Variants in TWIST2 observed in about 807,000 individuals in gnomAD.
TWIST2 encodes twist-related protein 2.
A neutral mutation model predicts 11.6 loss-of-function variants in TWIST2; 1 was observed. That is an observed-to-expected ratio of 0.09 (90% confidence interval 0.03 to 0.41). The LOEUF is 0.41. TWIST2 is among the 10% of genes least tolerant of loss of function. TWIST2 has a pLI of 0.98. For missense variants in TWIST2, 168 were observed against 226.4 expected (o/e 0.74, Z 1.66); for synonymous variants, 87 against 96.6 (o/e 0.90, Z 0.58).
chr2:238,856,516 A>G (rs1029889508), intron 1 of TWIST2, among the ~76,000 whole-genome samples: 1 of 152,144 alleles, frequency 6.6e-6, no homozygotes, highest in Non-Finnish European at 1.5e-5. Context: ...ATCATTTATA[A>G]TTTATAACAT....
chr2:238,870,139 ACCC>A (rs1491578741), intron 1 of TWIST2, among the ~76,000 whole-genome samples: 1 of 138,284 alleles, frequency 7.2e-6, no homozygotes, highest in African/African-American at 2.9e-5. Flanking sequence ...CACACACCAC[ACCC>A]CATACACACC....
At chr2:238,889,273 A>G (rs1294916952) in intron 1 of TWIST2, among the ~76,000 whole-genome samples, 1 of 152,244 alleles carries the variant, frequency 6.6e-6, no homozygotes, top group Non-Finnish European at 1.5e-5. Context: ...TCAGTAAATC[A>G]TGACTCGGGC....
rs185361226 is a variant in TWIST2, at chr2:238,871,871, C to T, written c.*35+23138C>T. Among the ~76,000 whole-genome samples the T allele has an allele frequency of 2.6e-3, 401 of 152,182 alleles. 1 individual carries two copies. Among genetic ancestry groups the T allele is most frequent in the Non-Finnish European group, 4.9e-3 (334 of 68,010 alleles). On this transcript the variant is annotated intron_variant, in intron 1 of 1. Coordinates refer to ENST00000612363, the MANE Select transcript of TWIST2 (RefSeq NM_001271893.4). The stretch of plus-strand genomic sequence containing the variant: ...GGATTCATAGAGACGGAAGGCAGAA[C>T]GATGGCTGCCGGGGGCCGAGGGGAG...
At chr2:238,876,211 T>G (rs1270851508) in intron 1 of TWIST2, among the ~76,000 whole-genome samples, 1 of 152,122 alleles carries the variant, frequency 6.6e-6, no homozygotes, top group Non-Finnish European at 1.5e-5. Flanking sequence ...TGAAATCAAG[T>G]CAGGCACCCA....
chr2:238,882,823 T>G (rs1692961683), intron 1 of TWIST2, among the ~76,000 whole-genome samples: 1 of 152,174 alleles, frequency 6.6e-6, no homozygotes, highest in African/African-American at 2.4e-5. Context: ...GATCAAAGCT[T>G]CTTTCAACAA....
In TWIST2 at chr2:238,866,721, G is replaced by A. The variant is rs1269749180; in HGVS notation, c.*35+17988G>A. On this transcript the variant is annotated intron_variant, in intron 1 of 1. Transcript: ENST00000612363. The surrounding 1 kb of genome is among the most constrained non-coding windows in gnomAD (Gnocchi z 4.9). The stretch of plus-strand genomic sequence containing the variant: ...GCCTTCACGCTGCTCTCCCTTGACT[G>A]GAATCTCCCTTGTGCCCGACAGGAC... Among the ~76,000 whole-genome samples, 1 of 152,096 alleles carries A rather than the reference G, an allele frequency of 6.6e-6. No individual in the cohort carries two copies. The highest frequency in any genetic ancestry group is 2.4e-5 in the African/African-American group (1 of 41,422).
chr2:238,869,450 A>G (rs1692606438), intron 1 of TWIST2, among the ~76,000 whole-genome samples: 2 of 152,266 alleles, frequency 1.3e-5, no homozygotes, highest in East Asian at 1.9e-4. Flanking sequence ...CAAATTATCC[A>G]TCTGATAGGA....
At chr2:238,873,781 C>G (rs527784457) in intron 1 of TWIST2, among the ~76,000 whole-genome samples, 15 of 152,234 alleles carry the variant, frequency 9.9e-5, no homozygotes, top group Admixed American at 7.8e-4. Flanking sequence ...AGGGTACGTT[C>G]CGGAACATCT....
chr2:238,890,214 G>A (rs906225022), intron 1 of TWIST2, among the ~76,000 whole-genome samples: 1 of 152,234 alleles, frequency 6.6e-6, no homozygotes, highest in Admixed American at 6.5e-5. Flanking sequence ...CCAGGAGCCT[G>A]CTGGGCTGGG....
chr2:238,886,598 A>G lies in TWIST2; in HGVS notation c.*36-23244A>G, dbSNP rs372160852. On this transcript the variant is annotated intron_variant, in intron 1 of 1. Coordinates refer to ENST00000612363, the MANE Select transcript of TWIST2 (RefSeq NM_001271893.4). Reference sequence around the variant, plus strand: ...TTGTCTGGAGCCCCGGGGGCATGGGAGGTTTGAGGCTCCAGTGCTTATCTC... The same window carrying G: ...TTGTCTGGAGCCCCGGGGGCATGGGGGGTTTGAGGCTCCAGTGCTTATCTC... Among the ~76,000 whole-genome samples the G allele has an allele frequency of 3.3e-5, 5 of 151,538 alleles. No individual in the cohort carries two copies. In the East Asian group the frequency reaches 9.8e-4, roughly 30 times the overall value.
intron 1 of TWIST2, among the ~76,000 whole-genome samples, chr2:238,855,498 T>C (rs137941311): frequency 0.022 from 3,289 of 152,338 alleles, 138 homozygotes; most frequent in African/African-American, 0.074. Flanking sequence ...TTCATGATAA[T>C]CTGCATGCGT....
chr2:238,888,405 C>T (rs761507022), intron 1 of TWIST2, among the ~76,000 whole-genome samples: 27 of 152,164 alleles, frequency 1.8e-4, no homozygotes, highest in Admixed American at 2.6e-4. Context: ...AGAACATCTG[C>T]ATCACATCTA....
chr2:238,905,614 G>A (rs1693330470), intron 1 of TWIST2, among the ~76,000 whole-genome samples: 1 of 152,180 alleles, frequency 6.6e-6, no homozygotes, highest in African/African-American at 2.4e-5. Flanking sequence ...CTTTTCATGG[G>A]TGATACGGTA....
chr2:238,905,852 TGTGC>T (rs1375687814), intron 1 of TWIST2, among the ~76,000 whole-genome samples: 2 of 43,360 alleles, frequency 4.6e-5, no homozygotes, highest in Non-Finnish European at 4.4e-5. Flanking sequence ...TGTGTGTGTG[TGTGC>T]GTGTGTGTGC....
chr2:238,878,277 AC>A lies in TWIST2; in HGVS notation c.*35+29548del, dbSNP rs1692842724. 2.0e-5 allele frequency among the ~76,000 whole-genome samples: 3 copies of A among 152,066 alleles called. No homozygotes were observed. In the South Asian group the frequency reaches 6.2e-4, roughly 32 times the overall value. On this transcript the variant is annotated intron_variant, in intron 1 of 1. Transcript: ENST00000612363. ...CCAGTGGGGGCCCAGGACATCAGCCACCCCAAAGCTCACTTATCTGGGTCTG... is the reference window on the plus strand; with the variant it reads ...CCAGTGGGGGCCCAGGACATCAGCCACCCAAAGCTCACTTATCTGGGTCTG...
intron 1 of TWIST2, among the ~76,000 whole-genome samples, chr2:238,908,828 G>A (rs1693401002): frequency 7.0e-6 from 1 of 143,884 alleles, no homozygotes; most frequent in African/African-American, 2.6e-5. Context: ...TGTTTGTGTG[G>A]TGTGTGGTGT....
At chr2:238,848,838 C>A (rs1275901715) in intron 1 of TWIST2, 105 bp downstream of exon 1, 5 of 952,224 alleles carry the variant, frequency 5.3e-6, no homozygotes, top group African/African-American at 5.2e-5. Flanking sequence ...GCCCCGCGGG[C>A]CGCGGGGGCT....
intron 1 of TWIST2, among the ~76,000 whole-genome samples, chr2:238,879,686 G>A (rs1284074086): frequency 1.3e-5 from 2 of 152,224 alleles, no homozygotes; most frequent in African/African-American, 4.8e-5. Flanking sequence ...CACCAGCTGG[G>A]TCAAGCACCA....
intron 1 of TWIST2, among the ~76,000 whole-genome samples, chr2:238,908,896 A>AGTG (rs1693402324): frequency 9.6e-5 from 1 of 10,426 alleles, no homozygotes; most frequent in Non-Finnish European, 2.2e-4. Flanking sequence ...GTGGTGGTGT[A>AGTG]TGTAGTGTGT....
Sources: allele counts gnomAD v4.1 joint callset (sites outside exome capture counted in the v4.1 genomes callset), GRCh38; gene constraint gnomAD v4.1.1; non-coding constraint Gnocchi (gnomAD v3.1); transcripts MANE v1.5; gene names NCBI Gene and HGNC (gene_info 2026-07-23, HGNC 2026-07-21).